The following NWD2 variants were observed in gnomAD, a reference collection of about 807,000 sequenced individuals.
The protein encoded by NWD2 is NACHT and WD repeat domain containing 2, also known as NACHT and WD repeat domain-containing protein 2.
NWD2 carries 37 observed loss-of-function variants against 132.7 expected under a neutral mutation model. The observed-to-expected ratio is 0.28, with a 90% CI of 0.21 to 0.37. The LOEUF (loss-of-function observed/expected upper bound fraction) is 0.37, where lower values mean the gene tolerates loss of function less well. NWD2 is among the 10% of genes least tolerant of loss of function. The pLI is 1.00. For synonymous variants in NWD2, 705 were observed against 803.0 expected, an observed-to-expected ratio of 0.88 and a Z score of 2.06; for missense variants, 1,592 against 2,122.4, an observed-to-expected ratio of 0.75 and a Z score of 4.91.
chr4:37,306,791 A>T (rs975094585), intron 1 of NWD2, among the ~76,000 whole-genome samples: 10 of 152,114 alleles, frequency 6.6e-5, no homozygotes, highest in African/African-American at 2.4e-4. Context: ...TGGAGGCCAA[A>T]GCAGGCGGAT....
In NWD2 at chr4:37,304,760, A is replaced by G. The variant is rs573311192; in HGVS notation, c.152-21176A>G. Among the ~76,000 whole-genome samples the G allele has an allele frequency of 9.2e-5, 14 of 152,296 alleles. 1 individual carries two copies. In the East Asian group the frequency reaches 2.7e-3, roughly 29 times the overall value. On this transcript the variant is annotated intron_variant, in intron 1 of 6. Transcript: ENST00000309447. Reference sequence around the variant, plus strand: ...GGCAGTTGCACCGCTGTGGCTCTGCATGGCTGCTCTCAAGGGCTACTGTTG... The same window carrying G: ...GGCAGTTGCACCGCTGTGGCTCTGCGTGGCTGCTCTCAAGGGCTACTGTTG...
intron 3 of NWD2, among the ~76,000 whole-genome samples, chr4:37,410,941 A>G (rs1721142290): frequency 6.6e-6 from 1 of 152,228 alleles, no homozygotes; most frequent in African/African-American, 2.4e-5. Flanking sequence ...GTTCTTTAAA[A>G]TCAATGAGAA....
At chr4:37,306,394 T>G (rs1389500547) in intron 1 of NWD2, among the ~76,000 whole-genome samples, 2 of 152,110 alleles carry the variant, frequency 1.3e-5, no homozygotes, top group Non-Finnish European at 2.9e-5. Context: ...TCTGATAGCT[T>G]GAGGCACAAC....
chr4:37,247,210 A>G (rs1717261663), intron 1 of NWD2, among the ~76,000 whole-genome samples: 1 of 152,252 alleles, frequency 6.6e-6, no homozygotes, highest in East Asian at 1.9e-4. Flanking sequence ...TAAATAAAAA[A>G]GACAGATGGG....
At chr4:37,425,032 C>G (rs1372647143) in intron 3 of NWD2, among the ~76,000 whole-genome samples, 1 of 152,102 alleles carries the variant, frequency 6.6e-6, no homozygotes, top group Non-Finnish European at 1.5e-5. Context: ...AAAGCAGTGG[C>G]TTAGATGTAG....
chr4:37,335,989 A>G (rs551745108), intron 2 of NWD2, among the ~76,000 whole-genome samples: 3 of 152,022 alleles, frequency 2.0e-5, no homozygotes, highest in South Asian at 2.1e-4. Context: ...TGCAAGCCAC[A>G]TAAGTAATAT....
At chr4:37,315,848 A>G (rs1474560494) in intron 1 of NWD2, among the ~76,000 whole-genome samples, 1 of 151,920 alleles carries the variant, frequency 6.6e-6, no homozygotes, top group Non-Finnish European at 1.5e-5. Flanking sequence ...TTATATTCTT[A>G]CTTGGTGCTC....
Position 37,439,246 on chromosome 4 carries a change from C to T in NWD2, c.1152C>T (p.Ala384=). ...LQHSSLCKTY[A]SFYEYKCESL... ...ATTCATCATTATGTAAAACATACGCCTCCTTCTATGAGTACAAATGTGAAT... is the reference window on the plus strand; with the variant it reads ...ATTCATCATTATGTAAAACATACGCTTCCTTCTATGAGTACAAATGTGAAT... Residue 384 remains alanine (A), a synonymous_variant, in exon 6 of 7, where the codon GCC becomes GCT. Coordinates refer to ENST00000309447, the MANE Select transcript of NWD2 (RefSeq NM_001144990.2). The surrounding 1 kb of genome is among the most constrained non-coding windows in gnomAD (Gnocchi z 4.5). The T allele has an allele frequency of 1.3e-6, 2 of 1,551,290 alleles. No individual in the cohort carries two copies. The highest frequency in any genetic ancestry group is 1.7e-6 in the Non-Finnish European group (2 of 1,146,868).
intron 1 of NWD2, among the ~76,000 whole-genome samples, chr4:37,311,051 G>C (rs1718831035): frequency 1.3e-5 from 2 of 152,022 alleles, no homozygotes; most frequent in Admixed American, 1.3e-4. Context: ...CATTTGGGTT[G>C]GTTCCAAGTC....
chr4:37,449,224 A>G lies in NWD2; in HGVS notation c.*2007A>G, dbSNP rs996455370. On this transcript the variant is annotated 3_prime_UTR_variant, in exon 7 of 7. Coordinates refer to ENST00000309447, the MANE Select transcript of NWD2 (RefSeq NM_001144990.2). ...TGTTCTATGTAAAAGCCAATAGAGT[A>G]TACAAGTGACTTGAATGATTTTTCC... 5.3e-5 allele frequency: 8 copies of G among 152,264 alleles called. No homozygotes were observed. Among genetic ancestry groups the G allele is most frequent in the African/African-American group, 1.9e-4 (8 of 41,470 alleles). 9.4% of individuals were successfully genotyped at this position (152,264 alleles called of 1,614,324 possible). A position where few individuals can be genotyped will look rare whatever the true frequency, so the allele number is the denominator to read the frequency against.
intron 1 of NWD2, among the ~76,000 whole-genome samples, chr4:37,274,284 C>T (rs1437349877): frequency 6.6e-6 from 1 of 152,132 alleles, no homozygotes; most frequent in Non-Finnish European, 1.5e-5. Flanking sequence ...AAACTACCAT[C>T]AGAGAATACT....
intron 3 of NWD2, among the ~76,000 whole-genome samples, chr4:37,393,019 G>A (rs1459598014): frequency 6.6e-6 from 1 of 152,308 alleles, no homozygotes; most frequent in Admixed American, 6.5e-5. Context: ...CCACACTCAA[G>A]TGAACAGCGC....
chr4:37,359,481 C>T (rs1183321656), intron 3 of NWD2, among the ~76,000 whole-genome samples: 1 of 152,110 alleles, frequency 6.6e-6, no homozygotes, highest in African/African-American at 2.4e-5. Context: ...GTTTCCTCGC[C>T]CAGTGCTCCC....
At chr4:37,305,643 G>A (rs891590107) in intron 1 of NWD2, among the ~76,000 whole-genome samples, 2 of 152,158 alleles carry the variant, frequency 1.3e-5, no homozygotes, top group African/African-American at 2.4e-5. Context: ...ATATGCATGT[G>A]TTGAAACATC....
At chr4:37,367,549 A>C (rs936898380) in intron 3 of NWD2, among the ~76,000 whole-genome samples, 10 of 152,158 alleles carry the variant, frequency 6.6e-5, no homozygotes, top group African/African-American at 2.4e-4. Flanking sequence ...CGCTTCTACA[A>C]ATTATCAGTG....
chr4:37,376,237 C>T (rs545327886), intron 3 of NWD2, among the ~76,000 whole-genome samples: 3 of 152,278 alleles, frequency 2.0e-5, no homozygotes, highest in South Asian at 4.1e-4. Flanking sequence ...TGTGTTTCTA[C>T]TCAGAGAAAA....
At chr4:37,252,369 G>A (rs897455781) in intron 1 of NWD2, among the ~76,000 whole-genome samples, 4 of 152,130 alleles carry the variant, frequency 2.6e-5, no homozygotes, top group African/African-American at 9.7e-5. Context: ...ATCAGCTTAT[G>A]GATCTTTTAA....
chr4:37,347,844 T>G (rs2109297348), intron 2 of NWD2, among the ~76,000 whole-genome samples: 1 of 152,316 alleles, frequency 6.6e-6, no homozygotes, highest in Non-Finnish European at 1.5e-5. Context: ...CACATCCAAA[T>G]GGTGTCAGCC....
At chr4:37,326,727 G>A (rs1450824169) in intron 2 of NWD2, among the ~76,000 whole-genome samples, 1 of 152,152 alleles carries the variant, frequency 6.6e-6, no homozygotes, top group Admixed American at 6.5e-5. Context: ...AGCCTCATTG[G>A]CGATGGAAAT....
Sources: gnomAD v4.1 joint callset for allele counts (sites outside exome capture counted in the v4.1 genomes callset) on GRCh38, gnomAD v4.1.1 for gene constraint, Gnocchi (gnomAD v3.1) non-coding constraint, MANE v1.5 for transcripts, NCBI Gene and HGNC (gene_info 2026-07-23, HGNC 2026-07-21) for gene names.